Variants in MID1 observed in about 807,000 individuals in gnomAD.
The protein encoded by MID1 is E3 ubiquitin-protein ligase Midline-1.
Under a neutral mutation model 40.4 loss-of-function variants are expected in MID1, and 7 were observed. That is an observed-to-expected ratio of 0.17 (90% confidence interval 0.10 to 0.33). The LOEUF is 0.33. Among genes scored for constraint, MID1 ranks in the 10% least tolerant of loss-of-function variants. The probability of loss-of-function intolerance (pLI) is 1.00; values close to 1 mark genes in which losing one functional copy is unlikely to be tolerated. For synonymous variants in MID1, 229 were observed against 221.2 expected, an observed-to-expected ratio of 1.04 and a Z score of -0.31; for missense variants, 367 against 558.5, an observed-to-expected ratio of 0.66 and a Z score of 3.46.
chrX:10,485,482 AT>A (rs1448634535), intron 4 of MID1, among the ~76,000 whole-genome samples: 2 of 111,923 alleles, frequency 1.8e-5, no homozygotes, highest in Non-Finnish European at 3.8e-5. Flanking sequence ...CAAGGGAAAT[AT>A]TTTCCAGTCA....
At chrX:10,610,892 A>C (rs149483788) in intron 1 of MID1, among the ~76,000 whole-genome samples, 3,452 of 111,630 alleles carry the variant, frequency 0.031, 41 homozygotes, top group African/African-American at 0.039. Flanking sequence ...TTACTTTCAT[A>C]CTGTTTCTTT....
intron 6 of MID1, among the ~76,000 whole-genome samples, chrX:10,473,559 C>T (rs1929831291): frequency 8.9e-6 from 1 of 112,264 alleles, no homozygotes; most frequent in African/African-American, 3.2e-5. Context: ...ACTGTAAAAA[C>T]AAACATCACA....
intron 1 of MID1, among the ~76,000 whole-genome samples, chrX:10,831,184 C>A (rs923355722): frequency 8.9e-6 from 1 of 111,830 alleles, no homozygotes; most frequent in African/African-American, 3.3e-5. Context: ...TTTACCAGTG[C>A]TCTGAGGTCC....
intron 1 of MID1, among the ~76,000 whole-genome samples, chrX:10,776,634 G>C (rs1447757648): frequency 9.0e-6 from 1 of 110,821 alleles, no homozygotes; most frequent in Non-Finnish European, 1.9e-5. Flanking sequence ...GGGAGGCTCA[G>C]GTGGGAAGAT....
chrX:10,757,307 T>C (rs1186060426), intron 1 of MID1, among the ~76,000 whole-genome samples: 1 of 112,399 alleles, frequency 8.9e-6, no homozygotes, highest in South Asian at 3.7e-4. Flanking sequence ...TGATTCTCTT[T>C]TATTGGACCA....
chrX:10,613,732 T>TATATATATATAGAGAGAGAGAG (rs1482081086), intron 1 of MID1, among the ~76,000 whole-genome samples: 1 of 17,482 alleles, frequency 5.7e-5, no homozygotes, highest in Non-Finnish European at 1.1e-4. Flanking sequence ...TATATATATA[T>TATATATATATAGAGAGAGAGAG]AGAGAGAGAG....
intron 1 of MID1, among the ~76,000 whole-genome samples, chrX:10,769,542 T>C (rs930484238): frequency 1.8e-5 from 2 of 112,140 alleles, no homozygotes; most frequent in South Asian, 7.4e-4. Context: ...CCATTTCCAC[T>C]GGGACCCATT....
At chrX:10,523,054 A>T (rs1932766542) in intron 3 of MID1, 38 bp downstream of exon 3, 2 of 968,890 alleles carry the variant, frequency 2.1e-6, no homozygotes, top group African/African-American at 3.8e-5. Flanking sequence ...GGCAGTTTTC[A>T]TATGAAACAT....
intron 1 of MID1, among the ~76,000 whole-genome samples, chrX:10,828,005 C>G (rs1169745538): frequency 9.0e-6 from 1 of 111,182 alleles, no homozygotes; most frequent in African/African-American, 3.3e-5. Context: ...GAGAATAACT[C>G]TCTGTTAGAG....
intron 1 of MID1, among the ~76,000 whole-genome samples, chrX:10,714,081 C>G (rs749869807): frequency 1.8e-5 from 2 of 112,227 alleles, no homozygotes; most frequent in Non-Finnish European, 3.8e-5. Flanking sequence ...CTGCTTTAAT[C>G]ATCCATTCTT....
At position 10,567,196 on chromosome X, in the gene MID1, G is replaced by A. The variant is rs1372240598; in HGVS notation, c.352C>T (p.Leu118Phe). ...ANTMTSAEKV[L>F]CQFCDQDPAQ... ...GGATCCTGGTCACAAAACTGGCAGA[G>A]GACCTTCTCGGCGGAGGTCATGGTG... Residue 118 changes from leucine to phenylalanine, a missense_variant, in exon 2 of 10, where the codon CTC becomes TTC. Leu to Phe is a conservative substitution (Grantham distance 22). Around this residue, in one of 3 missense-constraint regions of MID1, gnomAD observed 78 missense variants for 112.6 expected, o/e 0.69. Transcript: ENST00000317552. 3.3e-6 allele frequency: 4 copies of A among 1,211,577 alleles called. No homozygotes were observed. The Admixed American group carries it at 6.5e-5, about 20-fold the overall frequency.
At chrX:10,691,186 TTTTA>T (rs764478701) in intron 1 of MID1, among the ~76,000 whole-genome samples, 14 of 112,494 alleles carry the variant, frequency 1.2e-4, no homozygotes, top group African/African-American at 4.5e-4. Flanking sequence ...TAATAGTGCA[TTTTA>T]TTTAACTCAA....
At chrX:10,765,618 T>C (rs1471984824) in intron 1 of MID1, among the ~76,000 whole-genome samples, 2 of 111,778 alleles carry the variant, frequency 1.8e-5, no homozygotes, top group African/African-American at 3.3e-5. Flanking sequence ...TGTGGGCTTT[T>C]TAAAAATTCT....
chrX:10,619,620 C>G (rs1381851977), intron 1 of MID1, among the ~76,000 whole-genome samples: 1 of 112,232 alleles, frequency 8.9e-6, no homozygotes, highest in Non-Finnish European at 1.9e-5. Flanking sequence ...ATCATCATGC[C>G]CCAGAGCCAC....
chrX:10,684,414 T>TG (rs1261171056), intron 1 of MID1, among the ~76,000 whole-genome samples: 6 of 106,276 alleles, frequency 5.6e-5, no homozygotes, highest in Non-Finnish European at 9.7e-5. Context: ...TTTTCTTTTT[T>TG]TTTTTTTGAA....
At chrX:10,595,994 C>T (rs1342490996) in intron 1 of MID1, among the ~76,000 whole-genome samples, 1 of 111,874 alleles carries the variant, frequency 8.9e-6, no homozygotes, top group African/African-American at 3.2e-5. Context: ...TTTCTTTCCT[C>T]AGCAACATAT....
intron 1 of MID1, among the ~76,000 whole-genome samples, chrX:10,784,443 C>CTTT (rs1222382957): frequency 1.5e-4 from 13 of 87,556 alleles, no homozygotes; most frequent in African/African-American, 2.2e-4. Flanking sequence ...GTTGTATTTT[C>CTTT]TTTTTTTTTT....
intron 1 of MID1, among the ~76,000 whole-genome samples, chrX:10,807,905 A>G (rs901165728): frequency 8.9e-6 from 1 of 112,462 alleles, no homozygotes; most frequent in African/African-American, 3.2e-5. Flanking sequence ...ACCAGTGGGT[A>G]TCCAGGTCTC....
At chrX:10,612,682 C>T (rs1193015742) in intron 1 of MID1, among the ~76,000 whole-genome samples, 1 of 112,460 alleles carries the variant, frequency 8.9e-6, no homozygotes, top group Non-Finnish European at 1.9e-5. Flanking sequence ...TGTAGTCTTT[C>T]CTGAGTTGCC....
Sources: allele counts gnomAD v4.1 joint callset (sites outside exome capture counted in the v4.1 genomes callset), GRCh38; gene constraint gnomAD v4.1.1; regional missense constraint gnomAD v4.1.1; transcripts MANE v1.5; gene names NCBI Gene and HGNC (gene_info 2026-07-23, HGNC 2026-07-21).